The following DNAI4 variants were observed in gnomAD, a reference collection of about 807,000 sequenced individuals.
DNAI4 encodes the protein dynein axonemal intermediate chain 4, also known as WD repeat domain 78.
DNAI4 carries 85 observed loss-of-function variants against 105.8 expected under a neutral mutation model. That is an observed-to-expected ratio of 0.80 (90% confidence interval 0.67 to 0.96). DNAI4 has a LOEUF of 0.96. DNAI4 is among the 40% of genes least tolerant of loss of function. The probability of loss-of-function intolerance (pLI) is 0.00; values close to 1 mark genes in which losing one functional copy is unlikely to be tolerated. For missense variants in DNAI4, 1,014 were observed against 1,005.6 expected, an observed-to-expected ratio of 1.01 and a Z score of -0.11; for synonymous variants, 352 against 331.5, an observed-to-expected ratio of 1.06 and a Z score of -0.67.
At chr1:66,845,190 C>CAA (rs59265844) in intron 8 of DNAI4, among the ~76,000 whole-genome samples, 17,424 of 100,634 alleles carry the variant, frequency 0.17, 1,354 homozygotes, top group East Asian at 0.34. Context: ...AACTCCATCT[C>CAA]AAAAAAAAAA....
intron 2 of DNAI4, among the ~76,000 whole-genome samples, chr1:66,899,329 C>A (rs1169804697): frequency 6.6e-6 from 1 of 152,152 alleles, no homozygotes; most frequent in Non-Finnish European, 1.5e-5. Context: ...GGCTTGATTT[C>A]AATTTCTCTG....
In DNAI4 at chr1:66,822,424, G is replaced by C; in HGVS notation, c.2433C>G (p.Asp811Glu). 1 of 1,613,538 alleles carries C rather than the reference G, an allele frequency of 6.2e-7. No individual in the cohort carries two copies. The highest frequency in any genetic ancestry group is 8.5e-7 in the Non-Finnish European group (1 of 1,179,774). Residue 811 changes from aspartate to glutamate, a missense_variant, in exon 16 of 17, where the codon GAC becomes GAG. Physicochemically the swap from Asp to Glu is conservative, Grantham distance 45 (BLOSUM62 2). Transcript: ENST00000371026. ...CATACACAGAAACCTGTCCATCACTGTCTCCTACCAGAAGGCAATCTGTTT... is the reference window on the plus strand; with the variant it reads ...CATACACAGAAACCTGTCCATCACTCTCTCCTACCAGAAGGCAATCTGTTT... ...AKQTDCLLVG[D>E]SDGQVSVYEL... is the part of the protein sequence containing the mutation.
Position 66,891,266 on chromosome 1 carries a change from C to T in DNAI4, c.531G>A (p.Arg177=). 6.2e-7 allele frequency: 1 copy of T among 1,607,570 alleles called. No homozygotes were observed. Among genetic ancestry groups the T allele is most frequent in the Non-Finnish European group, 8.5e-7 (1 of 1,175,296 alleles). ...INPSTLGQFT[R]SVLGSSTVSK... ...AAACTGTACTGCTTCCTAAAACTGA[C>T]CTTTAATAATGAATAACAAAATTAC... is the stretch of plus-strand genomic sequence containing the variant. Residue 177 remains arginine (R), a splice_region_variant and synonymous_variant, in exon 4 of 17, where the codon AGG becomes AGA. Coordinates refer to ENST00000371026, the MANE Select transcript of DNAI4 (RefSeq NM_024763.5).
intron 6 of DNAI4, among the ~76,000 whole-genome samples, chr1:66,863,927 C>T (rs1018516753): frequency 2.6e-5 from 4 of 152,132 alleles, no homozygotes; most frequent in African/African-American, 9.7e-5. Flanking sequence ...CATCTTTGAA[C>T]ACTGAATTAC....
At chr1:66,824,570 C>G (rs1645708401) in intron 15 of DNAI4, among the ~76,000 whole-genome samples, 1 of 151,424 alleles carries the variant, frequency 6.6e-6, no homozygotes, top group Admixed American at 6.6e-5. Flanking sequence ...TTGTTTGTAT[C>G]CTCTTTTATT....
chr1:66,907,736 C>T (rs779113275), intron 1 of DNAI4, among the ~76,000 whole-genome samples: 1 of 152,178 alleles, frequency 6.6e-6, no homozygotes, highest in African/African-American at 2.4e-5. Context: ...CCTTCAAATA[C>T]CCTGACCTCT....
rs112189509 is a variant in DNAI4, at chr1:66,826,306, C to CT, written c.2339+513dup. On this transcript the variant is annotated intron_variant, in intron 15 of 16. Coordinates refer to ENST00000371026, the MANE Select transcript of DNAI4 (RefSeq NM_024763.5). ...AGTAAGGTAAACCACTTTCTTTAGTCTTTTTTTTTTGAGACAGAGTCTCAC... is the reference window on the plus strand; with the variant it reads ...AGTAAGGTAAACCACTTTCTTTAGTCTTTTTTTTTTTGAGACAGAGTCTCAC... 9.5e-3 allele frequency among the ~76,000 whole-genome samples: 1,408 copies of CT among 147,834 alleles called. 21 individuals carry two copies. Among genetic ancestry groups the CT allele is most frequent in the African/African-American group, 0.03 (1,211 of 39,742 alleles).
chr1:66,814,173 A>T lies in DNAI4; in HGVS notation c.2504T>A (p.Ile835Lys). Residue 835 changes from isoleucine to lysine, a missense_variant, in exon 17 of 17, where the codon ATA becomes AAA. Ile to Lys is a moderately radical substitution (Grantham distance 102). Coordinates refer to ENST00000371026, the MANE Select transcript of DNAI4 (RefSeq NM_024763.5). Reference protein sequence around the residue: ...PTVLETGRGDIMDTLLGSKSN... With the variant: ...PTVLETGRGDKMDTLLGSKSN... ...CTTGGATCCAAGCAAAGTATCCATT[A>T]TATCTCCCTGAAAAAAAAAAGTCAC... is the stretch of plus-strand genomic sequence containing the variant. The T allele has an allele frequency of 6.3e-7, 1 of 1,590,876 alleles. No homozygotes were observed. The highest frequency in any genetic ancestry group is 8.5e-7 in the Non-Finnish European group (1 of 1,176,682).
rs577130749 is a variant in DNAI4 at position 66,860,383 on chromosome 1, T to C, written c.1096+1764A>G. ...ATATTTAACTTTTTTTTCCTTTCTG[T>C]TTCTACTATAAAAACCTCAGAGTCA... On this transcript the variant is annotated intron_variant, in intron 7 of 16. Transcript: ENST00000371026. 3.7e-4 allele frequency among the ~76,000 whole-genome samples: 57 copies of C among 152,156 alleles called. 1 individual carries two copies. The South Asian group carries it at 0.01, about 28-fold the overall frequency.
intron 7 of DNAI4, among the ~76,000 whole-genome samples, chr1:66,849,388 T>C (rs1265585120): frequency 2.0e-5 from 3 of 152,120 alleles, no homozygotes; most frequent in Admixed American, 6.6e-5. Flanking sequence ...CGCCTGGAAA[T>C]AATCAGGCAG....
At position 66,827,034 on chromosome 1, in the gene DNAI4, T is replaced by C; in HGVS notation, c.2125A>G (p.Lys709Glu). 6.2e-7 allele frequency: 1 copy of C among 1,613,886 alleles called. No homozygotes were observed. Among genetic ancestry groups the C allele is most frequent in the Non-Finnish European group, 8.5e-7 (1 of 1,179,906 alleles). The change falls in exon 15 of 17, where the codon AAA becomes GAA. Residue 709 changes from lysine to glutamate, a missense_variant. Transcript: ENST00000371026. ...TGACAAAATGGATTCCATGTCACTTTATACACTGGACCCTAGAAATAAAAA... is the reference window on the plus strand; with the variant it reads ...TGACAAAATGGATTCCATGTCACTTCATACACTGGACCCTAGAAATAAAAA... Reference protein sequence around the residue: ...TYRGHKGPVYKVTWNPFCHDV... With the variant: ...TYRGHKGPVYEVTWNPFCHDV...
At chr1:66,814,400 T>G (rs1332221663) in intron 16 of DNAI4, among the ~76,000 whole-genome samples, 1 of 152,052 alleles carries the variant, frequency 6.6e-6, no homozygotes, top group Non-Finnish European at 1.5e-5. Context: ...GACAGAGTCT[T>G]GCTCTGTCGC....
chr1:66,905,773 ATAAAT>A (rs775739178), intron 1 of DNAI4, among the ~76,000 whole-genome samples: 1 of 152,200 alleles, frequency 6.6e-6, no homozygotes, highest in Non-Finnish European at 1.5e-5. Flanking sequence ...TGAGGATTAA[ATAAAT>A]TAATTTTTGT....
At chr1:66,901,501 A>C (rs1557974181) in intron 2 of DNAI4, among the ~76,000 whole-genome samples, 1 of 152,174 alleles carries the variant, frequency 6.6e-6, no homozygotes, top group African/African-American at 2.4e-5. Flanking sequence ...TATTTCTATT[A>C]GTGAATATTT....
chr1:66,874,528 A>G (rs1197518789), intron 5 of DNAI4, among the ~76,000 whole-genome samples: 1 of 152,176 alleles, frequency 6.6e-6, no homozygotes, highest in African/African-American at 2.4e-5. Flanking sequence ...AGTTCGCCTA[A>G]TTATTTAAAA....
chr1:66,866,734 G>T (rs1646742290), intron 6 of DNAI4, among the ~76,000 whole-genome samples: 1 of 152,088 alleles, frequency 6.6e-6, no homozygotes, highest in South Asian at 2.1e-4. Context: ...TTGACATTTG[G>T]TTGGATGTAG....
chr1:66,892,950 G>GAAGAAAAGA (rs1281447849), intron 3 of DNAI4, among the ~76,000 whole-genome samples: 10 of 91,974 alleles, frequency 1.1e-4, no homozygotes, highest in African/African-American at 4.9e-4. Flanking sequence ...AGAAGAAAGA[G>GAAGAAAAGA]AAGAAAGAAA....
At chr1:66,840,816 T>C (rs749971734) in intron 8 of DNAI4, 145 bp from the exon 9 acceptor site, 2 of 826,350 alleles carry the variant, frequency 2.4e-6, no homozygotes, top group Non-Finnish European at 3.8e-6. Context: ...CAGGGCACCA[T>C]GAAGGGCAGC....
chr1:66,818,579 G>A (rs1029994354), intron 16 of DNAI4, among the ~76,000 whole-genome samples: 6 of 152,110 alleles, frequency 3.9e-5, no homozygotes, highest in African/African-American at 1.4e-4. Flanking sequence ...AGTAGACTGA[G>A]TAATCTTTTG....
Sources: gnomAD v4.1 joint callset for allele counts (sites outside exome capture counted in the v4.1 genomes callset) on GRCh38, gnomAD v4.1.1 for gene constraint, MANE v1.5 for transcripts, NCBI Gene and HGNC (gene_info 2026-07-23, HGNC 2026-07-21) for gene names.